DAAM1: variants seen among roughly 807,000 people sequenced by gnomAD.
DAAM1 encodes the protein dishevelled associated activator of morphogenesis 1.
A neutral mutation model predicts 130.0 loss-of-function variants in DAAM1; 52 were observed. That is an observed-to-expected ratio of 0.40 (90% CI 0.32 to 0.50). The LOEUF (loss-of-function observed/expected upper bound fraction) is 0.50, where lower values mean the gene tolerates loss of function less well. DAAM1 is among the 20% of genes least tolerant of loss of function. The pLI is 0.61. For missense variants in DAAM1, 1,134 were observed against 1,303.8 expected, an observed-to-expected ratio of 0.87 and a Z score of 2.01; for synonymous variants, 452 against 444.5, an observed-to-expected ratio of 1.02 and a Z score of -0.21.
At chr14:59,362,266 C>T (rs2139685672) in intron 22 of DAAM1, 1 of 152,118 alleles carries the variant, frequency 6.6e-6, no homozygotes, top group Non-Finnish European at 1.5e-5. Context: ...GTCATATACA[C>T]TGCATCACAC....
rs765220330 is a variant in DAAM1, at chr14:59,369,064, G to T, written c.*205G>T. 4.4e-5 allele frequency: 23 copies of T among 527,548 alleles called. No homozygotes were observed. The highest frequency in any genetic ancestry group is 3.7e-5 in the Non-Finnish European group (11 of 299,810). The allele number at this position is 527,548 out of a possible 1,614,324, so 32.7% of individuals were successfully genotyped here. A position where few individuals can be genotyped will look rare whatever the true frequency, so the allele number is the denominator to read the frequency against. On this transcript the variant is annotated 3_prime_UTR_variant, in exon 25 of 25. Transcript: ENST00000360909. ...CTGAGTGTTGTCTGGAGACCTATACGTATGGTTAAAAAGATTTATGTTAAT... is the reference window on the plus strand; with the variant it reads ...CTGAGTGTTGTCTGGAGACCTATACTTATGGTTAAAAAGATTTATGTTAAT...
intron 1 of DAAM1, among the ~76,000 whole-genome samples, chr14:59,219,976 G>A (rs1243670621): frequency 6.6e-6 from 1 of 152,198 alleles, no homozygotes; most frequent in Non-Finnish European, 1.5e-5. Context: ...GAATTCAAGA[G>A]TGGTTCCTGC....
At chr14:59,352,461 G>A (rs2139669659) in intron 17 of DAAM1, 65 bp from the exon 18 acceptor site, 1 of 1,283,026 alleles carries the variant, frequency 7.8e-7, no homozygotes, top group Non-Finnish European at 1.1e-6. Flanking sequence ...AACTGAAAGG[G>A]TGAAAAATTA....
chr14:59,217,266 T>G (rs1386788179), intron 1 of DAAM1, among the ~76,000 whole-genome samples: 1 of 152,120 alleles, frequency 6.6e-6, no homozygotes, highest in Non-Finnish European at 1.5e-5. Flanking sequence ...GACTGATTTC[T>G]TAAGGGCAGT....
At chr14:59,368,085 T>G (rs1886993324) in intron 24 of DAAM1, among the ~76,000 whole-genome samples, 1 of 152,142 alleles carries the variant, frequency 6.6e-6, no homozygotes, top group African/African-American at 2.4e-5. Context: ...ATATAGAAAA[T>G]AATAGTGGTG....
intron 1 of DAAM1, among the ~76,000 whole-genome samples, chr14:59,223,783 A>G (rs1362537861): frequency 2.6e-5 from 4 of 152,168 alleles, no homozygotes; most frequent in African/African-American, 9.7e-5. Context: ...CTTGTACTTC[A>G]TCTTGGAAGG....
rs151149320 is a variant in DAAM1 at position 59,281,266 on chromosome 14, A to G, written c.184-9951A>G. On this transcript the variant is annotated intron_variant, in intron 2 of 24. Coordinates refer to ENST00000360909, the MANE Select transcript of DAAM1 (RefSeq NM_001270520.2). ...TTCTGCTCAGAAAGGCACCAACTCA[A>G]CTGTTCAGTAGATAAGACACCAGGC... is the stretch of plus-strand genomic sequence containing the variant. Among the ~76,000 whole-genome samples, 17 of 152,080 alleles carry G rather than the reference A, an allele frequency of 1.1e-4. No individual in the cohort carries two copies. In the East Asian group the frequency reaches 1.9e-3, roughly 17 times the overall value.
At chr14:59,367,657 A>G in intron 24 of DAAM1, 58 bp downstream of exon 24, 1 of 1,561,276 alleles carries the variant, frequency 6.4e-7, no homozygotes, top group Admixed American at 1.8e-5. Context: ...ACTGCAGCCC[A>G]GTCAAAGGTA....
chr14:59,244,642 G>A (rs1322532359), intron 1 of DAAM1, among the ~76,000 whole-genome samples: 1 of 152,176 alleles, frequency 6.6e-6, no homozygotes, highest in Admixed American at 6.5e-5. Flanking sequence ...GTGTGTTGGG[G>A]GCAGGGAGAG....
At chr14:59,284,308 T>A (rs971794486) in intron 2 of DAAM1, among the ~76,000 whole-genome samples, 2 of 152,102 alleles carry the variant, frequency 1.3e-5, no homozygotes, top group African/African-American at 4.8e-5. Flanking sequence ...TAACAGGACT[T>A]GATGACTAAA....
At chr14:59,199,426 A>T (rs1888029275) in intron 1 of DAAM1, among the ~76,000 whole-genome samples, 1 of 152,152 alleles carries the variant, frequency 6.6e-6, no homozygotes, top group African/African-American at 2.4e-5. Context: ...GAGTCTGACC[A>T]CCAGGGGGTC....
chr14:59,216,189 C>T (rs1486056866), intron 1 of DAAM1, among the ~76,000 whole-genome samples: 1 of 152,170 alleles, frequency 6.6e-6, no homozygotes, highest in Non-Finnish European at 1.5e-5. Context: ...ATGCCTTACT[C>T]ACATGAGGAG....
At chr14:59,361,384 G>A (rs2139684214) in intron 22 of DAAM1, among the ~76,000 whole-genome samples, 1 of 152,298 alleles carries the variant, frequency 6.6e-6, no homozygotes, top group East Asian at 1.9e-4. Flanking sequence ...ACTTCCCTCA[G>A]CCTGGCCGCA....
Position 59,331,258 on chromosome 14 carries a change from G to T in DAAM1, c.1610G>T (p.Gly537Val), listed in dbSNP as rs1192330672. 4 of 1,612,804 alleles carry T rather than the reference G, an allele frequency of 2.5e-6. No homozygotes were observed. Among genetic ancestry groups the T allele is most frequent in the Non-Finnish European group, 3.4e-6 (4 of 1,179,992 alleles). Reference sequence around the variant, plus strand: ...GGTGGACCCTCGCCTGGAGCACCAGGAGGGCCCTTTCCTTCCTCTGTGCCT... The same window carrying T: ...GGTGGACCCTCGCCTGGAGCACCAGTAGGGCCCTTTCCTTCCTCTGTGCCT... Reference protein sequence around the residue: ...IPGGPSPGAPGGPFPSSVPGS... With the variant: ...IPGGPSPGAPVGPFPSSVPGS... The change falls in exon 14 of 25, where the codon GGA (glycine) becomes GTA (valine). Residue 537 changes from glycine (G) to valine (V), a missense_variant. Gly to Val is a moderately radical substitution (Grantham distance 109). Coordinates refer to ENST00000360909, the MANE Select transcript of DAAM1 (RefSeq NM_001270520.2).
At chr14:59,250,543 G>C (rs528923742) in intron 1 of DAAM1, among the ~76,000 whole-genome samples, 1 of 152,290 alleles carries the variant, frequency 6.6e-6, no homozygotes, top group South Asian at 2.1e-4. Context: ...TGTATACTTA[G>C]AGTTTTAATG....
intron 1 of DAAM1, among the ~76,000 whole-genome samples, chr14:59,232,752 C>G (rs1354945426): frequency 1.3e-5 from 2 of 151,746 alleles, no homozygotes; most frequent in African/African-American, 4.8e-5. Flanking sequence ...GGTTTTGAGT[C>G]CTGCATGCAC....
chr14:59,263,758 C>T (rs1327373627), intron 2 of DAAM1, 98 bp downstream of exon 2: 11 of 1,478,220 alleles, frequency 7.4e-6, no homozygotes. Flanking sequence ...TGGACTTTTC[C>T]TTTTCAGTGA....
intron 16 of DAAM1, among the ~76,000 whole-genome samples, chr14:59,346,803 GATTAA>G (rs1886098883): frequency 6.6e-6 from 1 of 152,088 alleles, no homozygotes; most frequent in Non-Finnish European, 1.5e-5. Flanking sequence ...ACATATTCCT[GATTAA>G]ATTAGTAAAT....
chr14:59,248,354 T>TTTTGG (rs1330119440), intron 1 of DAAM1, among the ~76,000 whole-genome samples: 3 of 134,620 alleles, frequency 2.2e-5, no homozygotes, highest in Non-Finnish European at 4.9e-5. Flanking sequence ...TTTTGTTTTG[T>TTTTGG]TTGACTCAGG....
Sources: gnomAD v4.1 joint callset for allele counts (sites outside exome capture counted in the v4.1 genomes callset) on GRCh38, gnomAD v4.1.1 for gene constraint, MANE v1.5 for transcripts, NCBI Gene and HGNC (gene_info 2026-07-23, HGNC 2026-07-21) for gene names.